Variants in FKBP7 observed in about 807,000 individuals in gnomAD.
The protein encoded by FKBP7 is FKBP prolyl isomerase 7, also known as peptidyl-prolyl cis-trans isomerase FKBP7.
A neutral mutation model predicts 24.3 loss-of-function variants in FKBP7; 24 were observed. The ratio of observed to expected loss-of-function variants is 0.99; its 90% CI spans 0.72 to 1.39. The LOEUF is 1.39. FKBP7 is among the 40% of genes most tolerant of loss of function. FKBP7 has a pLI of 0.00. For synonymous variants in FKBP7, 98 were observed against 92.8 expected (o/e 1.06, Z -0.32); for missense variants, 257 against 269.5 (o/e 0.95, Z 0.33).
chr2:178,478,470 T>A lies in FKBP7; in HGVS notation c.30A>T (p.Arg10Ser). The change falls in exon 1 of 4, where the codon AGA becomes AGT. Residue 10 changes from arginine to serine, a missense_variant. Coordinates refer to ENST00000424785, the MANE Select transcript of FKBP7 (RefSeq NM_181342.3). ...CCCACAGATAAAAGAAAACAATGAA[T>A]CTGAATAAGAAATGCATGGTTTTTG... MPKTMHFLFRFIVFFYLWGL... is the reference protein window; with the variant it reads MPKTMHFLFSFIVFFYLWGL... 6.2e-7 allele frequency: 1 copy of A among 1,614,154 alleles called. No homozygotes were observed. Among genetic ancestry groups the A allele is most frequent in the Non-Finnish European group, 8.5e-7 (1 of 1,180,018 alleles).
chr2:178,476,761 G>T, intron 2 of FKBP7, among the ~76,000 whole-genome samples: 1 of 142,612 alleles, frequency 7.0e-6, no homozygotes, highest in Admixed American at 7.6e-5. Context: ...CTGTTGCTCA[G>T]GCTGGTCCTG....
chr2:178,471,931 A>G (rs1385827042), intron 2 of FKBP7, among the ~76,000 whole-genome samples: 1 of 152,260 alleles, frequency 6.6e-6, no homozygotes, highest in Non-Finnish European at 1.5e-5. Flanking sequence ...ACCTGACTTT[A>G]GAGTAGAAGA....
intron 2 of FKBP7, among the ~76,000 whole-genome samples, chr2:178,472,851 CA>C (rs71674220): frequency 1.1e-4 from 7 of 62,512 alleles, no homozygotes; most frequent in African/African-American, 3.6e-4. Flanking sequence ...GACTCCATCT[CA>C]AAAAAAAAAA....
At position 178,467,454 on chromosome 2, in the gene FKBP7, G is replaced by A. The variant is rs546886732; in HGVS notation, c.508-1523C>T. ...GTTTTTGTTTTTGTTTTTTTAGTTCGTGTTTCTACTTCAGGCTTTGTCTTG... is the reference window on the plus strand; with the variant it reads ...GTTTTTGTTTTTGTTTTTTTAGTTCATGTTTCTACTTCAGGCTTTGTCTTG... On this transcript the variant is annotated intron_variant, in intron 3 of 3. Coordinates refer to ENST00000424785, the MANE Select transcript of FKBP7 (RefSeq NM_181342.3). Among the ~76,000 whole-genome samples, 264 of 151,574 alleles carry A rather than the reference G, an allele frequency of 1.7e-3. 1 individual carries two copies. The highest frequency in any genetic ancestry group is 6.0e-3 in the African/African-American group (248 of 41,304).
rs1401213697 is a variant in FKBP7, at chr2:178,478,262, C to T, written c.221+17G>A. 3 of 1,613,288 alleles carry T rather than the reference C, an allele frequency of 1.9e-6. No individual in the cohort carries two copies. The highest frequency in any genetic ancestry group is 1.3e-5 in the African/African-American group (1 of 74,846). On this transcript the variant is annotated intron_variant, in intron 1 of 3. Transcript: ENST00000424785. ...TTTGTGCAACTGGACGCACGGGCAGCTCGCAGCATTTCCTACCTGCAGTAG... is the reference window on the plus strand; with the variant it reads ...TTTGTGCAACTGGACGCACGGGCAGTTCGCAGCATTTCCTACCTGCAGTAG...
At chr2:178,468,684 C>T (rs1684753557) in intron 3 of FKBP7, among the ~76,000 whole-genome samples, 1 of 151,920 alleles carries the variant, frequency 6.6e-6, no homozygotes, top group Non-Finnish European at 1.5e-5. Flanking sequence ...CCAGGTTTTG[C>T]CCCTTACTAC....
rs1157629059 is a variant in FKBP7, at chr2:178,464,832, CTTTG to C, written c.*934_*937del. 2.0e-5 allele frequency: 3 copies of C among 152,142 alleles called. No individual in the cohort carries two copies. The highest frequency in any genetic ancestry group is 3.9e-4 in the East Asian group (2 of 5,186). The allele number at this position is 152,142 out of a possible 1,614,324, so 9.4% of individuals were successfully genotyped here. On this transcript the variant is annotated 3_prime_UTR_variant, in exon 4 of 4. Coordinates refer to ENST00000424785, the MANE Select transcript of FKBP7 (RefSeq NM_181342.3). The stretch of plus-strand genomic sequence containing the variant: ...AATTGCCATGGCACTGTATATCCTC[CTTTG>C]TTTGGCACATTTATCAAAATTTGAC...
At chr2:178,467,862 G>A (rs1447389493) in intron 3 of FKBP7, 1 of 152,128 alleles carries the variant, frequency 6.6e-6, no homozygotes, top group Non-Finnish European at 1.5e-5. Flanking sequence ...GAGCTCTTGG[G>A]TACTATGCGA....
rs769520291 is a variant in FKBP7 at position 178,465,740 on chromosome 2, C to CGA, written c.*29_*30insTC. 2.0e-6 allele frequency: 3 copies of CGA among 1,481,290 alleles called. No homozygotes were observed. In the South Asian group the frequency reaches 4.0e-5, roughly 20 times the overall value. The allele number at this position is 1,481,290 out of a possible 1,614,324, so 91.8% of individuals were successfully genotyped here. On this transcript the variant is annotated 3_prime_UTR_variant, in exon 4 of 4. Transcript: ENST00000424785. ...TTTATACATAAAGTACAGTAAATAGCTAAAAAAAAAAAGTAGAAATACAAA... is the reference window on the plus strand; with the variant it reads ...TTTATACATAAAGTACAGTAAATAGCGATAAAAAAAAAAAGTAGAAATACAAA...
rs1035005717 is a variant in FKBP7 at position 178,464,397 on chromosome 2, A to G, written c.*1373T>C. The G allele has an allele frequency of 3.9e-5, 6 of 152,252 alleles. No individual in the cohort carries two copies. The highest frequency in any genetic ancestry group is 1.2e-4 in the African/African-American group (5 of 41,470). 9.4% of individuals were successfully genotyped at this position (152,252 alleles called of 1,614,324 possible). A position where few individuals can be genotyped will look rare whatever the true frequency, so the allele number is the denominator to read the frequency against. On this transcript the variant is annotated 3_prime_UTR_variant, in exon 4 of 4. Coordinates refer to ENST00000424785, the MANE Select transcript of FKBP7 (RefSeq NM_181342.3). ...TAAAGGAAAGAGGTTAAATTGACTCATGGTTCCCCATGGCTGGGGAGGCCT... is the reference window on the plus strand; with the variant it reads ...TAAAGGAAAGAGGTTAAATTGACTCGTGGTTCCCCATGGCTGGGGAGGCCT...
At chr2:178,472,667 GGCGAAACCCCATCTCTAC>G (rs1684881428) in intron 2 of FKBP7, among the ~76,000 whole-genome samples, 1 of 151,622 alleles carries the variant, frequency 6.6e-6, no homozygotes, top group Admixed American at 6.6e-5. Context: ...TGGCCAACAT[GGCGAAACCCCATCTCTAC>G]TAAAAATACA....
rs770620927 is a variant in FKBP7 at position 178,465,803 on chromosome 2, C to T, written c.636G>A (p.Lys212=). ...DHDGDGFISP[K]EYNVYQHDEL The stretch of plus-strand genomic sequence containing the variant: ...CATCGTGTTGGTATACATTGTATTC[C>T]TTGGGAGAAATGAAGCCATCACCAT... The change falls in exon 4 of 4, where the codon AAG becomes AAA. Residue 212 remains lysine (K), a synonymous_variant. Transcript: ENST00000424785. 1.2e-6 allele frequency: 2 copies of T among 1,608,044 alleles called. No individual in the cohort carries two copies. Among genetic ancestry groups the T allele is most frequent in the Non-Finnish European group, 1.7e-6 (2 of 1,177,668 alleles).
intron 3 of FKBP7, 62 bp downstream of exon 3, chr2:178,469,590 A>G: frequency 1.3e-6 from 2 of 1,556,580 alleles, no homozygotes; most frequent in Non-Finnish European, 1.8e-6. Context: ...TAGTTGTAAC[A>G]CAGATGTATT....
chr2:178,472,925 ACTAAAGTAT>A, intron 2 of FKBP7: 2 of 335,392 alleles, frequency 6.0e-6, no homozygotes, highest in Non-Finnish European at 5.4e-6. Context: ...TTTAAAAAAA[ACTAAAGTAT>A]AAAAATGAGG....
At chr2:178,466,411 C>T (rs1684659692) in intron 3 of FKBP7, among the ~76,000 whole-genome samples, 1 of 152,066 alleles carries the variant, frequency 6.6e-6, no homozygotes, top group African/African-American at 2.4e-5. Flanking sequence ...TCCAAGTCTA[C>T]ATAACTATAA....
At position 178,477,174 on chromosome 2, in the gene FKBP7, A is replaced by C. The variant is rs760144116; in HGVS notation, c.261T>G (p.Leu87=). The C allele has an allele frequency of 3.7e-6, 6 of 1,612,862 alleles. No homozygotes were observed. The highest frequency in any genetic ancestry group is 5.1e-6 in the Non-Finnish European group (6 of 1,179,700). The change falls in exon 2 of 4, where the codon CTT becomes CTG. Residue 87 remains leucine (L), a synonymous_variant. Coordinates refer to ENST00000424785, the MANE Select transcript of FKBP7 (RefSeq NM_181342.3). ...GGCCTTTTATGACTTGCCCAACACC[A>C]AGAACAAACCATTTGGGGTGGCCTT... is the stretch of plus-strand genomic sequence containing the variant. ...QNEGHPKWFV[L]GVGQVIKGLD... is the part of the protein sequence containing the mutation.
chr2:178,473,234 T>A, intron 2 of FKBP7: 1 of 498,960 alleles, frequency 2.0e-6, no homozygotes, highest in Non-Finnish European at 3.8e-6. Context: ...AACAGTTACT[T>A]AAGGTCTACA....
intron 2 of FKBP7, among the ~76,000 whole-genome samples, chr2:178,471,838 A>G (rs113646470): frequency 3.3e-5 from 5 of 152,232 alleles, no homozygotes; most frequent in African/African-American, 1.2e-4. Flanking sequence ...GCAGATTAGT[A>G]GTTTTCAAAG....
intron 2 of FKBP7, among the ~76,000 whole-genome samples, chr2:178,471,214 T>TG (rs1364221657): frequency 6.6e-6 from 1 of 151,130 alleles, no homozygotes; most frequent in East Asian, 1.9e-4. Context: ...GTCACAGATT[T>TG]TTTTTTTTTT....
Sources: gnomAD v4.1 joint callset for allele counts (sites outside exome capture counted in the v4.1 genomes callset) on GRCh38, gnomAD v4.1.1 for gene constraint, MANE v1.5 for transcripts, NCBI Gene and HGNC (gene_info 2026-07-23, HGNC 2026-07-21) for gene names.